KCNIP4: variants seen among roughly 807,000 people sequenced by gnomAD.
KCNIP4 encodes Kv channel-interacting protein 4.
Under a neutral mutation model 34.0 loss-of-function variants are expected in KCNIP4, and 12 were observed. That is an observed-to-expected ratio of 0.35 (90% CI 0.23 to 0.57). The LOEUF (loss-of-function observed/expected upper bound fraction) is 0.57. Among genes scored for constraint, KCNIP4 ranks in the 20% least tolerant of loss-of-function variants. The pLI, the probability that KCNIP4 is intolerant of heterozygous loss-of-function variation, is 0.83. For missense variants in KCNIP4, 238 were observed against 311.7 expected, an observed-to-expected ratio of 0.76 and a Z score of 1.78; for synonymous variants, 124 against 102.2, an observed-to-expected ratio of 1.21 and a Z score of -1.29.
At chr4:20,849,121 T>C (rs1720726494) in intron 3 of KCNIP4, among the ~76,000 whole-genome samples, 1 of 152,140 alleles carries the variant, frequency 6.6e-6, no homozygotes, top group Non-Finnish European at 1.5e-5. Flanking sequence ...TGTTTATTTG[T>C]ATGTATTGTC....
intron 1 of KCNIP4, among the ~76,000 whole-genome samples, chr4:21,822,454 C>T (rs1270215282): frequency 1.3e-5 from 2 of 152,128 alleles, no homozygotes; most frequent in Non-Finnish European, 2.9e-5. Context: ...TCATCCAGGA[C>T]TCCATGATAA....
intron 1 of KCNIP4, among the ~76,000 whole-genome samples, chr4:21,711,647 A>T (rs910894289): frequency 2.0e-5 from 3 of 151,748 alleles, no homozygotes; most frequent in Non-Finnish European, 4.4e-5. Context: ...TCATTAAGAG[A>T]TAAAATATAT....
chr4:20,803,638 A>G (rs181076190), intron 3 of KCNIP4, among the ~76,000 whole-genome samples: 1 of 151,232 alleles, frequency 6.6e-6, no homozygotes, highest in East Asian at 1.9e-4. Context: ...AGCCTGGGCA[A>G]CAGAGTGGGA....
intron 1 of KCNIP4, among the ~76,000 whole-genome samples, chr4:21,315,919 A>G (rs1450669829): frequency 2.0e-5 from 3 of 152,150 alleles, no homozygotes; most frequent in Admixed American, 6.6e-5. Context: ...CAAAACCCCT[A>G]CCAACTTTCC....
intron 1 of KCNIP4, among the ~76,000 whole-genome samples, chr4:21,089,071 C>T (rs1746735675): frequency 6.6e-6 from 1 of 152,140 alleles, no homozygotes; most frequent in Admixed American, 6.6e-5. Context: ...GAAATAAGGC[C>T]ATGGCCCCTC....
chr4:21,641,504 T>G (rs1355569634), intron 1 of KCNIP4, among the ~76,000 whole-genome samples: 1 of 152,204 alleles, frequency 6.6e-6, no homozygotes, highest in East Asian at 1.9e-4. Flanking sequence ...CTGTGGCCAA[T>G]GATGGTTTCT....
At position 21,564,765 on chromosome 4, in the gene KCNIP4, T is replaced by C. The variant is rs145102701; in HGVS notation, c.61+383806A>G. Among the ~76,000 whole-genome samples, 125 of 152,034 alleles carry C rather than the reference T, an allele frequency of 8.2e-4. 1 individual carries two copies. The highest frequency in any genetic ancestry group is 2.9e-3 in the African/African-American group (121 of 41,462). On this transcript the variant is annotated intron_variant, in intron 1 of 8. Coordinates refer to ENST00000382152, the MANE Select transcript of KCNIP4 (RefSeq NM_025221.6). ...GAGGGCTTCAGGATGCTTCCACTCATGGTGGAAGGGAAAAAGGAGCTAGTG... is the reference window on the plus strand; with the variant it reads ...GAGGGCTTCAGGATGCTTCCACTCACGGTGGAAGGGAAAAAGGAGCTAGTG...
chr4:21,832,747 C>G (rs1316873035), intron 1 of KCNIP4, among the ~76,000 whole-genome samples: 2 of 117,294 alleles, frequency 1.7e-5, no homozygotes, highest in African/African-American at 3.2e-5. Context: ...CCCCTCCCCC[C>G]ACCCCACAAC....
chr4:20,899,057 T>A (rs1726874288), intron 1 of KCNIP4, among the ~76,000 whole-genome samples: 2 of 152,322 alleles, frequency 1.3e-5, no homozygotes, highest in South Asian at 2.1e-4. Flanking sequence ...AACAATAACA[T>A]AAATGCAGAT....
chr4:21,318,467 A>G (rs1714023573), intron 1 of KCNIP4, among the ~76,000 whole-genome samples: 1 of 152,210 alleles, frequency 6.6e-6, no homozygotes, highest in South Asian at 2.1e-4. Context: ...TTCACTATTC[A>G]CTTAAGCCAC....
At position 21,170,290 on chromosome 4, in the gene KCNIP4, A is replaced by G. The variant is rs76320010; in HGVS notation, c.62-287581T>C. On this transcript the variant is annotated intron_variant, in intron 1 of 8. Transcript: ENST00000382152. Reference sequence around the variant, plus strand: ...CCAGGATAAAGGGAAGTATTTTTATATAAGTAAAAATAGTGTACTACTGAA... The same window carrying G: ...CCAGGATAAAGGGAAGTATTTTTATGTAAGTAAAAATAGTGTACTACTGAA... Among the ~76,000 whole-genome samples, 277 of 152,290 alleles carry G rather than the reference A, an allele frequency of 1.8e-3. 1 individual carries two copies. The highest frequency in any genetic ancestry group is 6.2e-3 in the African/African-American group (258 of 41,558).
intron 1 of KCNIP4, among the ~76,000 whole-genome samples, chr4:21,014,847 G>T (rs889783674): frequency 1.3e-5 from 2 of 152,110 alleles, no homozygotes; most frequent in African/African-American, 4.8e-5. Flanking sequence ...TAGCCCAAAC[G>T]TGGAAACAAC....
At chr4:21,471,492 TTGAG>T (rs1458394998) in intron 1 of KCNIP4, among the ~76,000 whole-genome samples, 6 of 152,168 alleles carry the variant, frequency 3.9e-5, no homozygotes, top group South Asian at 2.1e-4. Flanking sequence ...GTTCTAGAAA[TTGAG>T]TATTTTATAT....
chr4:21,519,735 T>C (rs1469245357), intron 1 of KCNIP4, among the ~76,000 whole-genome samples: 2 of 122,334 alleles, frequency 1.6e-5, no homozygotes, highest in Non-Finnish European at 1.6e-5. Flanking sequence ...CGTGTGTATA[T>C]GTATGATACA....
chr4:21,139,119 G>C (rs1560756450), intron 1 of KCNIP4, among the ~76,000 whole-genome samples: 3 of 152,016 alleles, frequency 2.0e-5, no homozygotes. Context: ...CTTTATGTTA[G>C]ATTTCTTTAA....
chr4:21,286,148 C>A lies in KCNIP4; in HGVS notation c.62-403439G>T, dbSNP rs189422627. ...TACCGCTTTTTTTCTCCTTATCTTT[C>A]CTATTTTGAATGCCAGCCTCACAGC... On this transcript the variant is annotated intron_variant, in intron 1 of 8. Transcript: ENST00000382152. 2.5e-3 allele frequency among the ~76,000 whole-genome samples: 384 copies of A among 152,254 alleles called. 5 individuals carry two copies. Among genetic ancestry groups the A allele is most frequent in the South Asian group, 0.014 (66 of 4,822 alleles).
intron 1 of KCNIP4, among the ~76,000 whole-genome samples, chr4:21,467,632 A>G (rs965298527): frequency 3.3e-5 from 5 of 152,186 alleles, no homozygotes; most frequent in Admixed American, 2.0e-4. Flanking sequence ...TTCACAGCAG[A>G]CACGCCAAGA....
intron 1 of KCNIP4, among the ~76,000 whole-genome samples, chr4:21,012,580 A>G (rs1739152484): frequency 6.6e-6 from 1 of 152,134 alleles, no homozygotes; most frequent in Non-Finnish European, 1.5e-5. Context: ...TCAAAGCAAA[A>G]CAAAACAAAA....
intron 1 of KCNIP4, among the ~76,000 whole-genome samples, chr4:21,680,710 A>G (rs1344424828): frequency 2.0e-5 from 3 of 152,212 alleles, no homozygotes; most frequent in Admixed American, 1.3e-4. Context: ...TCTCCATCAG[A>G]GCTCTTGAAT....
Sources: gnomAD v4.1 joint callset for allele counts (sites outside exome capture counted in the v4.1 genomes callset) on GRCh38, gnomAD v4.1.1 for gene constraint, MANE v1.5 for transcripts, NCBI Gene and HGNC (gene_info 2026-07-23, HGNC 2026-07-21) for gene names.